Variants in ADGRL4 observed in about 807,000 individuals in gnomAD.
ADGRL4 encodes the protein EGF, latrophilin and seven transmembrane domain containing 1.
In ADGRL4, 90 loss-of-function variants were observed where a neutral mutation model predicts 74.8. The ratio of observed to expected loss-of-function variants is 1.20; its 90% CI spans 1.02 to 1.43. The LOEUF (loss-of-function observed/expected upper bound fraction) is 1.43, where lower values mean the gene tolerates loss of function less well. Ranked by LOEUF, ADGRL4 falls within the 40% of genes most tolerant of loss-of-function variation. The pLI is 0.00. For missense variants in ADGRL4, 881 were observed against 814.3 expected (o/e 1.08, Z -1.00); for synonymous variants, 311 against 279.2 (o/e 1.11, Z -1.14).
At chr1:78,987,529 T>A (rs1650522224) in intron 2 of ADGRL4, among the ~76,000 whole-genome samples, 2 of 151,778 alleles carry the variant, frequency 1.3e-5, no homozygotes, top group Admixed American at 1.3e-4. Context: ...ATTTGGAAGT[T>A]ATTACTCAAT....
At chr1:78,980,588 G>T (rs1028213305) in intron 2 of ADGRL4, among the ~76,000 whole-genome samples, 2 of 151,826 alleles carry the variant, frequency 1.3e-5, no homozygotes, top group Non-Finnish European at 2.9e-5. Context: ...ATATAGTAAA[G>T]CCAGAAAATT....
chr1:78,991,375 CA>C (rs1650604889), intron 2 of ADGRL4, among the ~76,000 whole-genome samples: 1 of 151,982 alleles, frequency 6.6e-6, no homozygotes, highest in Non-Finnish European at 1.5e-5. Flanking sequence ...GCAGAATTTA[CA>C]AATTTCACAA....
chr1:78,912,958 CA>C (rs1648794813), intron 12 of ADGRL4, among the ~76,000 whole-genome samples: 1 of 151,706 alleles, frequency 6.6e-6, no homozygotes. Context: ...CAAACAACCC[CA>C]TTACAATGGG....
intron 12 of ADGRL4, among the ~76,000 whole-genome samples, chr1:78,916,352 T>C (rs1157566725): frequency 1.3e-5 from 2 of 151,828 alleles, no homozygotes; most frequent in Non-Finnish European, 1.5e-5. Context: ...TTTCCTATGG[T>C]GAGAAAATCA....
At chr1:78,992,819 T>C (rs11581046) in intron 2 of ADGRL4, among the ~76,000 whole-genome samples, 15,822 of 152,152 alleles carry the variant, frequency 0.1, 1,119 homozygotes, top group East Asian at 0.35. Context: ...TAATATATAC[T>C]GTACAGTGGT....
chr1:78,938,111 A>G lies in ADGRL4; in HGVS notation c.565T>C (p.Ser189Pro), dbSNP rs138575750. 788 of 1,612,410 alleles carry G rather than the reference A, an allele frequency of 4.9e-4. 4 individuals carry two copies. In the African/African-American group the frequency reaches 9.3e-3, roughly 19 times the overall value. The change falls in exon 5 of 15, where the codon TCA becomes CCA. Residue 189 changes from serine to proline, a missense_variant. Physicochemically the swap from Ser to Pro is moderately conservative, Grantham distance 74 (BLOSUM62 -1). Coordinates refer to ENST00000370742, the MANE Select transcript of ADGRL4 (RefSeq NM_022159.4). Reference protein sequence around the residue: ...TISAKDTLSNSTLTEFVKTVN... With the variant: ...TISAKDTLSNPTLTEFVKTVN... ...CTGAACATACTTACAGTAAGAGTTG[A>G]GTTAGAAAGGGTGTCCTTGGCTGAG...
chr1:78,933,356 A>T (rs1649285742), intron 7 of ADGRL4, among the ~76,000 whole-genome samples: 1 of 151,488 alleles, frequency 6.6e-6, no homozygotes, highest in Admixed American at 6.6e-5. Context: ...AGATGCAGAA[A>T]AGGCATTTGA....
chr1:78,956,488 A>G (rs1649832088), intron 2 of ADGRL4, among the ~76,000 whole-genome samples: 1 of 152,116 alleles, frequency 6.6e-6, no homozygotes, highest in South Asian at 2.1e-4. Context: ...TATGTGAAAA[A>G]CAGTATTTGT....
intron 2 of ADGRL4, among the ~76,000 whole-genome samples, chr1:78,948,641 TATAA>T (rs1033334852): frequency 6.6e-6 from 1 of 152,140 alleles, no homozygotes; most frequent in African/African-American, 2.4e-5. Flanking sequence ...ACCTATTTTA[TATAA>T]ATAAATATAT....
chr1:78,948,285 G>A, intron 2 of ADGRL4, among the ~76,000 whole-genome samples: 1 of 152,094 alleles, frequency 6.6e-6, no homozygotes, highest in Non-Finnish European at 1.5e-5. Context: ...AAAGAACAAA[G>A]GTTGAGTTAT....
At chr1:79,004,065 G>A (rs1004769425) in intron 2 of ADGRL4, among the ~76,000 whole-genome samples, 9 of 151,980 alleles carry the variant, frequency 5.9e-5, no homozygotes, top group Admixed American at 6.6e-5. Context: ...TCTTTTTAAA[G>A]AGCCTATATA....
At chr1:78,989,954 A>G (rs528053588) in intron 2 of ADGRL4, among the ~76,000 whole-genome samples, 2 of 152,032 alleles carry the variant, frequency 1.3e-5, no homozygotes, top group South Asian at 2.1e-4. Flanking sequence ...CCTTCTTTAG[A>G]AAGTCTGCTT....
intron 2 of ADGRL4, among the ~76,000 whole-genome samples, chr1:78,978,033 C>T (rs1339170998): frequency 6.6e-6 from 1 of 151,700 alleles, no homozygotes; most frequent in African/African-American, 2.4e-5. Context: ...TATAAATATC[C>T]ACAGGCATTC....
At chr1:78,988,018 A>G (rs1002758053) in intron 2 of ADGRL4, among the ~76,000 whole-genome samples, 1 of 151,492 alleles carries the variant, frequency 6.6e-6, no homozygotes, top group Non-Finnish European at 1.5e-5. Context: ...TCTGTAATTT[A>G]GGAATATTGA....
At position 78,889,897 on chromosome 1, in the gene ADGRL4, T is replaced by C. The variant is rs1210410190; in HGVS notation, c.*1257A>G. The C allele has an allele frequency of 2.2e-6, 1 of 445,372 alleles. No homozygotes were observed. Among genetic ancestry groups the C allele is most frequent in the African/African-American group, 2.0e-5 (1 of 48,834 alleles). The allele number at this position is 445,372 out of a possible 1,614,324, so 27.6% of individuals were successfully genotyped here. Reference sequence around the variant, plus strand: ...CAGGTCGGCAAAGAAAAATTACCTATTTTTGAGATCAAAATCACTGCTTAT... The same window carrying C: ...CAGGTCGGCAAAGAAAAATTACCTACTTTTGAGATCAAAATCACTGCTTAT... On this transcript the variant is annotated 3_prime_UTR_variant, in exon 15 of 15. Transcript: ENST00000370742.
At chr1:78,974,122 C>T (rs1650231717) in intron 2 of ADGRL4, among the ~76,000 whole-genome samples, 1 of 152,152 alleles carries the variant, frequency 6.6e-6, no homozygotes, top group Admixed American at 6.6e-5. Flanking sequence ...CTCCCTCAAA[C>T]ACGCATATAA....
chr1:78,896,734 A>G (rs912479098), intron 12 of ADGRL4, among the ~76,000 whole-genome samples: 1 of 152,130 alleles, frequency 6.6e-6, no homozygotes, highest in Admixed American at 6.6e-5. Flanking sequence ...TGTAAGTCAG[A>G]TCTTTTCACT....
intron 12 of ADGRL4, among the ~76,000 whole-genome samples, chr1:78,917,240 G>A (rs1390937038): frequency 6.6e-6 from 1 of 151,766 alleles, no homozygotes; most frequent in Non-Finnish European, 1.5e-5. Flanking sequence ...CAGCTGGTTG[G>A]CACACTCTGT....
chr1:78,969,709 T>A (rs1357500432), intron 2 of ADGRL4, among the ~76,000 whole-genome samples: 3 of 41,214 alleles, frequency 7.3e-5, no homozygotes, highest in Admixed American at 6.0e-4. Flanking sequence ...ATTTGTGGGT[T>A]TTTTTTTTTT....
Sources: gnomAD v4.1 joint callset for allele counts (sites outside exome capture counted in the v4.1 genomes callset) on GRCh38, gnomAD v4.1.1 for gene constraint, MANE v1.5 for transcripts, NCBI Gene and HGNC (gene_info 2026-07-23, HGNC 2026-07-21) for gene names.